IL2RA: variants seen among roughly 807,000 people sequenced by gnomAD.
The protein encoded by IL2RA is interleukin 2 receptor subunit alpha.
A neutral mutation model predicts 37.8 loss-of-function variants in IL2RA; 24 were observed. That is an observed-to-expected ratio of 0.63 (90% CI 0.46 to 0.89). The LOEUF (loss-of-function observed/expected upper bound fraction) is 0.89, where lower values mean the gene tolerates loss of function less well. Ranked by LOEUF, IL2RA falls within the 40% of genes least tolerant of loss-of-function variation. The probability of loss-of-function intolerance (pLI) is 0.00; values close to 1 mark genes in which losing one functional copy is unlikely to be tolerated. For synonymous variants in IL2RA, 125 were observed against 114.6 expected, an observed-to-expected ratio of 1.09 and a Z score of -0.58; for missense variants, 319 against 348.6, an observed-to-expected ratio of 0.92 and a Z score of 0.68.
chr10:6,040,664 C>T (rs1212563772), intron 1 of IL2RA, among the ~76,000 whole-genome samples: 6 of 152,156 alleles, frequency 3.9e-5, no homozygotes, highest in Non-Finnish European at 7.3e-5. Context: ...ACCTTTTCTT[C>T]CCCAAAGACA....
chr10:6,052,944 A>G (rs41294911), intron 1 of IL2RA, among the ~76,000 whole-genome samples: 5 of 152,284 alleles, frequency 3.3e-5, no homozygotes, highest in African/African-American at 4.8e-5. Flanking sequence ...CAGGACCCGG[A>G]GAACCCAGAC....
At position 6,011,969 on chromosome 10, in the gene IL2RA, C is replaced by G. The variant is rs1272091677; in HGVS notation, c.*903G>C. On this transcript the variant is annotated 3_prime_UTR_variant, in exon 8 of 8. Transcript: ENST00000379959. The surrounding 1 kb of genome is among the most constrained non-coding windows in gnomAD (Gnocchi z 5.2). ...CGGATCCCTTTTTGGTGTTTTTAGA[C>G]ACTTCTCAGGAAACGTACGCATTGA... The G allele has an allele frequency of 6.6e-6, 1 of 152,336 alleles. No homozygotes were observed. The highest frequency in any genetic ancestry group is 1.5e-5 in the Non-Finnish European group (1 of 68,048). The allele number at this position is 152,336 out of a possible 1,614,324, so 9.4% of individuals were successfully genotyped here. A position where few individuals can be genotyped will look rare whatever the true frequency, so the allele number is the denominator to read the frequency against.
At chr10:6,053,300 G>A (rs1191539730) in intron 1 of IL2RA, among the ~76,000 whole-genome samples, 1 of 152,148 alleles carries the variant, frequency 6.6e-6, no homozygotes, top group Non-Finnish European at 1.5e-5. Flanking sequence ...AGTTCACCAG[G>A]CAGAAAATGG....
At position 6,025,698 on chromosome 10, in the gene IL2RA, G is replaced by A. The variant is rs878873603; in HGVS notation, c.256+136C>T. On this transcript the variant is annotated intron_variant, in intron 2 of 7. Transcript: ENST00000379959. The surrounding 1 kb of genome is among the most constrained non-coding windows in gnomAD (Gnocchi z 4.4). ...TTGTGTTTAGTGAATGACTTTTCAG[G>A]AACCACTAAAATTAGTTATCCTGTA... 1.3e-5 allele frequency: 11 copies of A among 838,890 alleles called. 1 individual carries two copies. In the South Asian group the frequency reaches 1.6e-4, roughly 12 times the overall value. The allele number at this position is 838,890 out of a possible 1,614,324, so 52.0% of individuals were successfully genotyped here. A position where few individuals can be genotyped will look rare whatever the true frequency, so the allele number is the denominator to read the frequency against.
intron 1 of IL2RA, among the ~76,000 whole-genome samples, chr10:6,040,858 T>C (rs1038359430): frequency 1.9e-4 from 29 of 152,224 alleles, no homozygotes; most frequent in African/African-American, 7.0e-4. Context: ...CCCAAGACGG[T>C]TAAAGTATTA....
intron 1 of IL2RA, chr10:6,039,740 C>T (rs978738879): frequency 2.0e-5 from 3 of 151,978 alleles, no homozygotes; most frequent in African/African-American, 4.8e-5. Flanking sequence ...TCAGATGCTC[C>T]GTCTGTAACA....
intron 1 of IL2RA, among the ~76,000 whole-genome samples, chr10:6,040,306 G>T (rs1392011051): frequency 6.6e-6 from 1 of 152,178 alleles, no homozygotes; most frequent in African/African-American, 2.4e-5. Flanking sequence ...AGTTTCTTTT[G>T]AATTCATATT....
At chr10:6,049,282 C>A (rs867851903) in intron 1 of IL2RA, among the ~76,000 whole-genome samples, 1 of 152,220 alleles carries the variant, frequency 6.6e-6, no homozygotes, top group African/African-American at 2.4e-5. Context: ...GAGAATGCAA[C>A]CTTCCTCTGC....
chr10:6,016,735 G>T (rs1221229638), intron 7 of IL2RA, among the ~76,000 whole-genome samples: 1 of 151,914 alleles, frequency 6.6e-6, no homozygotes, highest in East Asian at 1.9e-4. Context: ...ACCACGCCTG[G>T]CTTATTTTTG....
At position 6,046,488 on chromosome 10, in the gene IL2RA, C is replaced by T. The variant is rs1287412365; in HGVS notation, c.64+15600G>A. On this transcript the variant is annotated intron_variant, in intron 1 of 7. Transcript: ENST00000379959. The surrounding 1 kb of genome is among the most constrained non-coding windows in gnomAD (Gnocchi z 4.8). ...GATTGATGGAGTGGACAGCATAGAG[C>T]AGAGAGCTTACGGTTGTAGGTTACG... Among the ~76,000 whole-genome samples, 2 of 152,168 alleles carry T rather than the reference C, an allele frequency of 1.3e-5. No homozygotes were observed. The highest frequency in any genetic ancestry group is 2.9e-5 in the Non-Finnish European group (2 of 68,028).
chr10:6,023,536 A>G (rs1394042674), intron 3 of IL2RA, among the ~76,000 whole-genome samples: 1 of 152,138 alleles, frequency 6.6e-6, no homozygotes, highest in African/African-American at 2.4e-5. Context: ...AGGTTTCACC[A>G]TGTTGGCCAG....
At chr10:6,030,226 T>C (rs1839554496) in intron 1 of IL2RA, among the ~76,000 whole-genome samples, 1 of 151,814 alleles carries the variant, frequency 6.6e-6, no homozygotes, top group Admixed American at 6.6e-5. Flanking sequence ...GCAGAAAAAA[T>C]ATATGAAGAA....
In IL2RA at chr10:6,011,988, G is replaced by T. The variant is rs886047076; in HGVS notation, c.*884C>A. 52 of 152,328 alleles carry T rather than the reference G, an allele frequency of 3.4e-4. No homozygotes were observed. The highest frequency in any genetic ancestry group is 1.2e-3 in the African/African-American group (50 of 41,444). 9.4% of individuals were successfully genotyped at this position (152,328 alleles called of 1,614,324 possible). ...TTTAGACACTTCTCAGGAAACGTAC[G>T]CATTGATTTGCACCTTGTGTGTCCA... On this transcript the variant is annotated 3_prime_UTR_variant, in exon 8 of 8. Transcript: ENST00000379959. This position sits in a 1 kb window ranked among gnomAD's most constrained non-coding sequence, Gnocchi z 5.2.
At position 6,015,020 on chromosome 10, in the gene IL2RA, C is replaced by A. The variant is rs1429484348; in HGVS notation, c.795-2124G>T. Among the ~76,000 whole-genome samples the A allele has an allele frequency of 6.6e-6, 1 of 151,760 alleles. No individual in the cohort carries two copies. Among genetic ancestry groups the A allele is most frequent in the Non-Finnish European group, 1.5e-5 (1 of 67,962 alleles). On this transcript the variant is annotated intron_variant, in intron 7 of 7. Transcript: ENST00000379959. The surrounding 1 kb of genome is among the most constrained non-coding windows in gnomAD (Gnocchi z 4.9). ...TGGATGCTGGCAGGGGTCAGGGAGG[C>A]CCTGGATAATCAAGAGAGAGACAGA...
In IL2RA at chr10:6,012,458, G is replaced by A. The variant is rs886047078; in HGVS notation, c.*414C>T. The A allele has an allele frequency of 7.0e-6, 2 of 284,024 alleles. No individual in the cohort carries two copies. Among genetic ancestry groups the A allele is most frequent in the East Asian group, 1.6e-4 (2 of 12,420 alleles). The allele number at this position is 284,024 out of a possible 1,614,324, so 17.6% of individuals were successfully genotyped here. A position where few individuals can be genotyped will look rare whatever the true frequency, so the allele number is the denominator to read the frequency against. On this transcript the variant is annotated 3_prime_UTR_variant, in exon 8 of 8. Coordinates refer to ENST00000379959, the MANE Select transcript of IL2RA (RefSeq NM_000417.3). This position sits in a 1 kb window ranked among gnomAD's most constrained non-coding sequence, Gnocchi z 4.8. ...GTGTGTGTTGTGTATTTACGTTAGTGCTGGGGCTTTCCTTGGGACTCCTGA... is the reference window on the plus strand; with the variant it reads ...GTGTGTGTTGTGTATTTACGTTAGTACTGGGGCTTTCCTTGGGACTCCTGA...
In IL2RA at chr10:6,062,117, G is replaced by A. The variant is rs1012971945; in HGVS notation, c.35C>T (p.Thr12Met). 15 of 1,613,916 alleles carry A rather than the reference G, an allele frequency of 9.3e-6. No individual in the cohort carries two copies. Among genetic ancestry groups the A allele is most frequent in the African/African-American group, 6.7e-5 (5 of 74,934 alleles). Residue 12 changes from threonine (T) to methionine (M), a missense_variant, in exon 1 of 8, where the codon ACG becomes ATG. Thr to Met is a moderately conservative substitution (Grantham distance 81). Coordinates refer to ENST00000379959, the MANE Select transcript of IL2RA (RefSeq NM_000417.3). Reference protein sequence around the residue: ...DSYLLMWGLLTFIMVPGCQAE... With the variant: ...DSYLLMWGLLMFIMVPGCQAE... Reference sequence around the variant, plus strand: ...CTGGCAGCCAGGCACCATGATGAACGTGAGCAGTCCCCACATCAGCAGGTA... The same window carrying A: ...CTGGCAGCCAGGCACCATGATGAACATGAGCAGTCCCCACATCAGCAGGTA...
In IL2RA at chr10:6,021,726, T is replaced by A; in HGVS notation, c.368-33A>T. The stretch of plus-strand genomic sequence containing the variant: ...ATGGAAGGAATGCTCTGAAGGCAAG[T>A]TGGGGACAGCACCGCGAGTGAGTCC... On this transcript the variant is annotated intron_variant, in intron 3 of 7. Transcript: ENST00000379959. The surrounding 1 kb of genome is among the most constrained non-coding windows in gnomAD (Gnocchi z 4.9). 1 of 1,594,606 alleles carries A rather than the reference T, an allele frequency of 6.3e-7. No homozygotes were observed.
chr10:6,057,923 C>T lies in IL2RA; in HGVS notation c.64+4165G>A, dbSNP rs12722623. ...GGCAGATCACCTGAGGTCAGGAGTT[C>T]GAGACCAGCCTGGCCAACTTGGTGA... On this transcript the variant is annotated intron_variant, in intron 1 of 7. Transcript: ENST00000379959. This position sits in a 1 kb window ranked among gnomAD's most constrained non-coding sequence, Gnocchi z 4.8. Among the ~76,000 whole-genome samples, 2 of 152,070 alleles carry T rather than the reference C, an allele frequency of 1.3e-5. No homozygotes were observed. Among genetic ancestry groups the T allele is most frequent in the African/African-American group, 2.4e-5 (1 of 41,384 alleles).
rs12722556 is a variant in IL2RA, at chr10:6,028,576, C to A, written c.65-2551G>T. Among the ~76,000 whole-genome samples, 9,228 of 152,198 alleles carry A rather than the reference C, an allele frequency of 0.061. 517 individuals carry two copies. Among genetic ancestry groups the A allele is most frequent in the Middle Eastern group, 0.17 (49 of 294 alleles). On this transcript the variant is annotated intron_variant, in intron 1 of 7. Coordinates refer to ENST00000379959, the MANE Select transcript of IL2RA (RefSeq NM_000417.3). This position sits in a 1 kb window ranked among gnomAD's most constrained non-coding sequence, Gnocchi z 4.1. ...CAAAATGCATTACCTTTTAAAGGAC[C>A]ATAAGATAATCTAGACCCTTTATAA...
Sources: allele counts gnomAD v4.1 joint callset (sites outside exome capture counted in the v4.1 genomes callset), GRCh38; gene constraint gnomAD v4.1.1; non-coding constraint Gnocchi (gnomAD v3.1); transcripts MANE v1.5; gene names NCBI Gene and HGNC (gene_info 2026-07-23, HGNC 2026-07-21).